The following PCSK2 variants were observed in gnomAD, a reference collection of about 807,000 sequenced individuals.
PCSK2 encodes the protein neuroendocrine convertase 2.
In PCSK2, 14 loss-of-function variants were observed where a neutral mutation model predicts 69.7. The observed-to-expected ratio is 0.20, with a 90% CI of 0.13 to 0.31. PCSK2 has a LOEUF of 0.31. PCSK2 is among the 10% of genes least tolerant of loss of function. The pLI is 1.00. For synonymous variants in PCSK2, 307 were observed against 320.7 expected (o/e 0.96, Z 0.46); for missense variants, 544 against 842.5 (o/e 0.65, Z 4.39).
intron 2 of PCSK2, among the ~76,000 whole-genome samples, chr20:17,280,013 TC>T (rs936131701): frequency 1.3e-5 from 2 of 151,970 alleles, no homozygotes; most frequent in Non-Finnish European, 2.9e-5. Flanking sequence ...ACACACTTGT[TC>T]CAAATCAAGC....
chr20:17,283,611 A>C (rs1420230534), intron 2 of PCSK2, among the ~76,000 whole-genome samples: 1 of 152,174 alleles, frequency 6.6e-6, no homozygotes, highest in South Asian at 2.1e-4. Flanking sequence ...GTCAGGCCTA[A>C]TTTCTAATCA....
chr20:17,331,344 C>T (rs1020886207), intron 2 of PCSK2, among the ~76,000 whole-genome samples: 3 of 152,134 alleles, frequency 2.0e-5, no homozygotes, highest in Admixed American at 6.5e-5. Flanking sequence ...TTCATTTTAC[C>T]CAGAAGTTAA....
chr20:17,248,282 C>G (rs565730882), intron 1 of PCSK2, among the ~76,000 whole-genome samples: 2 of 152,008 alleles, frequency 1.3e-5, no homozygotes, highest in South Asian at 4.2e-4. Flanking sequence ...TACTAGGATA[C>G]TCAGGTGAAT....
At chr20:17,342,121 T>C (rs751764769) in intron 2 of PCSK2, among the ~76,000 whole-genome samples, 35 of 152,290 alleles carry the variant, frequency 2.3e-4, no homozygotes, top group Non-Finnish European at 4.9e-4. Flanking sequence ...CTGTAAATGT[T>C]CTTGAGTGAT....
chr20:17,448,007 G>A (rs2032733963), intron 8 of PCSK2, among the ~76,000 whole-genome samples: 1 of 151,944 alleles, frequency 6.6e-6, no homozygotes, highest in South Asian at 2.1e-4. Flanking sequence ...GATTATAAAG[G>A]ACTTTTATTT....
At chr20:17,422,450 G>A (rs1024409625) in intron 6 of PCSK2, among the ~76,000 whole-genome samples, 1 of 152,060 alleles carries the variant, frequency 6.6e-6, no homozygotes, top group African/African-American at 2.4e-5. Flanking sequence ...ACTAAGCTCA[G>A]GGATAAGAAG....
At chr20:17,432,512 A>G (rs908632424) in intron 7 of PCSK2, among the ~76,000 whole-genome samples, 1 of 152,166 alleles carries the variant, frequency 6.6e-6, no homozygotes, top group Non-Finnish European at 1.5e-5. Context: ...TTATTTTGAA[A>G]ATGCCTTTAT....
At chr20:17,463,715 T>G (rs1293185962) in intron 10 of PCSK2, 3 of 146,124 alleles carry the variant, frequency 2.1e-5, no homozygotes, top group Non-Finnish European at 4.5e-5. Context: ...CCCCTTCCTG[T>G]GTCCAAGTGT....
intron 8 of PCSK2, among the ~76,000 whole-genome samples, chr20:17,439,985 A>C (rs2032562945): frequency 6.6e-6 from 1 of 152,178 alleles, no homozygotes; most frequent in Non-Finnish European, 1.5e-5. Context: ...GCTTTTCTGG[A>C]TGCTGGTCAA....
At chr20:17,357,080 T>A (rs1480693544) in intron 2 of PCSK2, among the ~76,000 whole-genome samples, 3 of 150,750 alleles carry the variant, frequency 2.0e-5, no homozygotes, top group Non-Finnish European at 4.5e-5. Context: ...ATGTGCATAA[T>A]CCTTGAGTTT....
At chr20:17,266,139 A>G (rs908677050) in intron 2 of PCSK2, among the ~76,000 whole-genome samples, 12 of 152,158 alleles carry the variant, frequency 7.9e-5, no homozygotes, top group African/African-American at 2.7e-4. Context: ...TCAGCTATAA[A>G]TGGAAAAGTG....
intron 2 of PCSK2, among the ~76,000 whole-genome samples, chr20:17,269,825 A>T (rs1017775697): frequency 6.6e-6 from 1 of 152,174 alleles, no homozygotes; most frequent in African/African-American, 2.4e-5. Context: ...TTGAGAAACT[A>T]TAAAAGCCAT....
At chr20:17,272,245 G>C (rs968904547) in intron 2 of PCSK2, among the ~76,000 whole-genome samples, 1 of 152,050 alleles carries the variant, frequency 6.6e-6, no homozygotes, top group Admixed American at 6.6e-5. Context: ...ATCCAGGTCT[G>C]CTCTGATTAT....
At chr20:17,253,072 A>C (rs542530435) in intron 1 of PCSK2, among the ~76,000 whole-genome samples, 21 of 152,322 alleles carry the variant, frequency 1.4e-4, no homozygotes, top group African/African-American at 4.6e-4. Context: ...AGTATCTATC[A>C]AAATGATAAG....
chr20:17,355,504 C>T (rs942492641), intron 2 of PCSK2, among the ~76,000 whole-genome samples: 2 of 152,146 alleles, frequency 1.3e-5, no homozygotes, highest in African/African-American at 4.8e-5. Flanking sequence ...ACCTTCTTTC[C>T]CAAGTGCAAG....
intron 5 of PCSK2, among the ~76,000 whole-genome samples, chr20:17,403,183 G>A (rs1433649526): frequency 6.6e-6 from 1 of 152,128 alleles, no homozygotes; most frequent in Non-Finnish European, 1.5e-5. Context: ...TATGACCCTG[G>A]CAACCTTAGG....
chr20:17,322,428 G>A (rs1989898534), intron 2 of PCSK2, among the ~76,000 whole-genome samples: 2 of 152,144 alleles, frequency 1.3e-5, no homozygotes, highest in African/African-American at 2.4e-5. Flanking sequence ...CCCTTCCTCA[G>A]AATGAGACTG....
At chr20:17,282,197 G>A (rs1256454135) in intron 2 of PCSK2, among the ~76,000 whole-genome samples, 1 of 151,790 alleles carries the variant, frequency 6.6e-6, no homozygotes, top group Non-Finnish European at 1.5e-5. Context: ...CTGTGTATCT[G>A]CACAAATGGC....
At chr20:17,450,016 C>CTTTTTTTTTTTTTTT (rs1462731230) in intron 8 of PCSK2, among the ~76,000 whole-genome samples, 2 of 96,714 alleles carry the variant, frequency 2.1e-5, no homozygotes, top group Non-Finnish European at 4.5e-5. Flanking sequence ...GAATTTCTTC[C>CTTTTTTTTTTTTTTT]CTTTTTTTTT....
Sources: gnomAD v4.1 joint callset for allele counts (sites outside exome capture counted in the v4.1 genomes callset) on GRCh38, gnomAD v4.1.1 for gene constraint, MANE v1.5 for transcripts, NCBI Gene and HGNC (gene_info 2026-07-23, HGNC 2026-07-21) for gene names.